PCDHA13: variants seen among roughly 807,000 people sequenced by gnomAD.
PCDHA13 encodes the protein protocadherin alpha 13.
PCDHA13 carries 54 observed loss-of-function variants against 64.8 expected under a neutral mutation model. The observed-to-expected ratio is 0.83, with a 90% CI of 0.67 to 1.04. The LOEUF is 1.04. PCDHA13 is among the 50% of genes least tolerant of loss of function. The pLI, the probability that PCDHA13 is intolerant of heterozygous loss-of-function variation, is 0.00. For missense variants in PCDHA13, 1,248 were observed against 1,254.3 expected (o/e 0.99, Z 0.08); for synonymous variants, 587 against 564.4 (o/e 1.04, Z -0.57).
chr5:140,884,803 C>T, intron 1 of PCDHA13, 141 bp downstream of exon 1: 1 of 1,225,142 alleles, frequency 8.2e-7, no homozygotes, highest in Non-Finnish European at 1.1e-6. Context: ...AATTTAACAA[C>T]TCTGCTGTGG....
intron 1 of PCDHA13, among the ~76,000 whole-genome samples, chr5:140,944,072 A>C (rs868935645): frequency 6.6e-6 from 1 of 152,218 alleles, no homozygotes; most frequent in Non-Finnish European, 1.5e-5. Context: ...CTTGTTAAAG[A>C]TAAAGGAGGC....
chr5:140,998,497 G>A (rs1367409428), intron 3 of PCDHA13, among the ~76,000 whole-genome samples: 2 of 152,090 alleles, frequency 1.3e-5, no homozygotes, highest in East Asian at 3.8e-4. Flanking sequence ...TTTGAGAACA[G>A]GGTACTTGTC....
chr5:140,893,882 C>G (rs2064212921), intron 1 of PCDHA13, among the ~76,000 whole-genome samples: 1 of 152,140 alleles, frequency 6.6e-6, no homozygotes, highest in Non-Finnish European at 1.5e-5. Flanking sequence ...CCAAAGTGGC[C>G]AGAAAGTTAC....
intron 1 of PCDHA13, among the ~76,000 whole-genome samples, chr5:140,940,230 TA>T (rs2153645241): frequency 6.6e-6 from 1 of 152,330 alleles, no homozygotes; most frequent in Non-Finnish European, 1.5e-5. Flanking sequence ...TTCATTTTGG[TA>T]CATTAAAGTT....
chr5:140,922,172 C>T (rs1466116071), intron 1 of PCDHA13, among the ~76,000 whole-genome samples: 2 of 134,528 alleles, frequency 1.5e-5, no homozygotes, highest in Non-Finnish European at 3.3e-5. Context: ...AAAAGTACAG[C>T]AGACAAAAAA....
chr5:140,927,942 T>C, intron 1 of PCDHA13: 1 of 1,614,226 alleles, frequency 6.2e-7, no homozygotes, highest in Non-Finnish European at 8.5e-7. Flanking sequence ...ACCCAGTACC[T>C]GAGGACGCTG....
At chr5:140,960,273 C>T (rs1490527862) in intron 1 of PCDHA13, among the ~76,000 whole-genome samples, 1 of 152,148 alleles carries the variant, frequency 6.6e-6, no homozygotes, top group Non-Finnish European at 1.5e-5. Context: ...AATTCCGTCA[C>T]CTTTTTGGGA....
At chr5:140,884,871 A>T (rs1193714340) in intron 1 of PCDHA13, among the ~76,000 whole-genome samples, 1 of 152,210 alleles carries the variant, frequency 6.6e-6, no homozygotes, top group Non-Finnish European at 1.5e-5. Context: ...CCATAATGAA[A>T]TGTGCAAAAC....
In PCDHA13 at chr5:140,884,644, C is replaced by T. The variant is rs1554181804; in HGVS notation, c.2376C>T (p.Asp792=). The T allele has an allele frequency of 6.2e-7, 1 of 1,608,094 alleles. No homozygotes were observed. Among genetic ancestry groups the T allele is most frequent in the South Asian group, 1.1e-5 (1 of 90,260 alleles). The change falls in exon 1 of 4, where the codon GAC becomes GAT. Residue 792 remains aspartate, a synonymous_variant. Coordinates refer to ENST00000289272, the MANE Select transcript of PCDHA13 (RefSeq NM_018904.3). Reference sequence around the variant, plus strand: ...AGGGAACAGGCCAGAGGGAGGAGGACTCAGAATGCTTGAAAGAGGTAAGCT... The same window carrying T: ...AGGGAACAGGCCAGAGGGAGGAGGATTCAGAATGCTTGAAAGAGGTAAGCT... The part of the protein sequence containing the change: ...SAEGTGQREE[D]SECLKEPRQP...
chr5:140,896,735 T>C (rs930657295), intron 1 of PCDHA13, among the ~76,000 whole-genome samples: 8 of 152,166 alleles, frequency 5.3e-5, no homozygotes, highest in Non-Finnish European at 4.4e-5. Context: ...TTTAAGTTCC[T>C]TATAGATTCT....
intron 3 of PCDHA13, among the ~76,000 whole-genome samples, chr5:141,000,385 CTCTCTCTCTCTATATA>C (rs1454405199): frequency 1.1e-4 from 7 of 64,984 alleles, no homozygotes; most frequent in African/African-American, 4.8e-4. Flanking sequence ...CTCTCTCTCT[CTCTCTCTCTCTATATA>C]TATATATATA....
rs782371814 is a variant in PCDHA13 at position 140,882,829 on chromosome 5, G to A, written c.561G>A (p.Glu187=). The change falls in exon 1 of 4, where the codon GAG becomes GAA. Residue 187 remains glutamate, a synonymous_variant. Transcript: ENST00000289272. ...YFTLDAQNSL[E]QMSSLSLVLR... is the part of the protein sequence containing the mutation. Reference sequence around the variant, plus strand: ...CTTTGGACGCACAAAACAGTCTTGAGCAAATGTCTTCATTATCACTTGTAC... The same window carrying A: ...CTTTGGACGCACAAAACAGTCTTGAACAAATGTCTTCATTATCACTTGTAC... The A allele has an allele frequency of 5.6e-6, 9 of 1,614,206 alleles. No homozygotes were observed. The South Asian group carries it at 8.8e-5, about 16-fold the overall frequency.
chr5:140,898,765 G>C (rs1336398509), intron 1 of PCDHA13, among the ~76,000 whole-genome samples: 1 of 151,640 alleles, frequency 6.6e-6, no homozygotes, highest in African/African-American at 2.4e-5. Context: ...CATTGAATCT[G>C]TAAATTACCT....
intron 1 of PCDHA13, among the ~76,000 whole-genome samples, chr5:140,937,469 T>C (rs1322050073): frequency 6.6e-6 from 1 of 152,210 alleles, no homozygotes; most frequent in Non-Finnish European, 1.5e-5. Flanking sequence ...ATACAAAAAT[T>C]AGCTGGACAT....
intron 1 of PCDHA13, chr5:140,929,005 A>G: frequency 6.2e-7 from 1 of 1,614,062 alleles, no homozygotes; most frequent in Non-Finnish European, 8.5e-7. Context: ...CTTCGTGTGT[A>G]CCAAGTTGCA....
At chr5:140,970,775 C>T (rs2096433002) in intron 1 of PCDHA13, among the ~76,000 whole-genome samples, 1 of 152,160 alleles carries the variant, frequency 6.6e-6, no homozygotes, top group Non-Finnish European at 1.5e-5. Context: ...GCTGTACATA[C>T]ATATTGTATG....
chr5:140,988,214 A>AG (rs1408259452), intron 3 of PCDHA13, among the ~76,000 whole-genome samples: 28 of 152,200 alleles, frequency 1.8e-4, no homozygotes, highest in Non-Finnish European at 4.4e-5. Flanking sequence ...AGGAAAAAAA[A>AG]ATGAGATCAG....
rs191774551 is a variant in PCDHA13, at chr5:140,984,794, A to C, written c.2542+2231A>C. Among the ~76,000 whole-genome samples, 4 of 152,294 alleles carry C rather than the reference A, an allele frequency of 2.6e-5. No homozygotes were observed. In the East Asian group the frequency reaches 7.7e-4, roughly 29 times the overall value. ...CTTACTTGCTGGGTGAGCATAGACA[A>C]ACTGCCTGAATTCATATTTTCTTAA... On this transcript the variant is annotated intron_variant, in intron 3 of 3. Transcript: ENST00000289272.
intron 1 of PCDHA13, among the ~76,000 whole-genome samples, chr5:140,893,506 A>AT (rs1270469461): frequency 6.6e-6 from 1 of 152,170 alleles, no homozygotes; most frequent in African/African-American, 2.4e-5. Context: ...AGAAAAAAAA[A>AT]GCAGTTGTAG....
Sources: allele counts gnomAD v4.1 joint callset (sites outside exome capture counted in the v4.1 genomes callset), GRCh38; gene constraint gnomAD v4.1.1; transcripts MANE v1.5; gene names NCBI Gene and HGNC (gene_info 2026-07-23, HGNC 2026-07-21).